Variants in BRINP3 observed in about 807,000 individuals in gnomAD.
BRINP3 encodes the protein BMP/retinoic acid inducible neural specific 3, also known as BMP/retinoic acid-inducible neural-specific protein 3.
In BRINP3, 19 loss-of-function variants were observed where a neutral mutation model predicts 71.0. The ratio of observed to expected loss-of-function variants is 0.27; its 90% CI spans 0.19 to 0.39. The LOEUF is 0.39. BRINP3 is among the 10% of genes least tolerant of loss of function. The pLI is 1.00. For synonymous variants in BRINP3, 380 were observed against 337.7 expected (o/e 1.13, Z -1.37); for missense variants, 959 against 940.8 (o/e 1.02, Z -0.25).
intron 2 of BRINP3, among the ~76,000 whole-genome samples, chr1:190,388,203 A>G (rs1190768864): frequency 6.6e-6 from 1 of 151,804 alleles, no homozygotes; most frequent in African/African-American, 2.4e-5. Flanking sequence ...CATTTATGAA[A>G]TTATAATATT....
chr1:190,251,998 G>A (rs977028233), intron 4 of BRINP3, among the ~76,000 whole-genome samples: 2 of 151,986 alleles, frequency 1.3e-5, no homozygotes, highest in African/African-American at 4.8e-5. Flanking sequence ...CAATAGATGA[G>A]AGAACACAAG....
chr1:190,214,300 G>A (rs1218100784), intron 6 of BRINP3, among the ~76,000 whole-genome samples: 2 of 152,020 alleles, frequency 1.3e-5, no homozygotes, highest in African/African-American at 4.8e-5. Flanking sequence ...TTTGGTTCAT[G>A]ACTTGATATC....
At chr1:190,249,389 C>A (rs1274502901) in intron 4 of BRINP3, among the ~76,000 whole-genome samples, 1 of 151,652 alleles carries the variant, frequency 6.6e-6, no homozygotes, top group Non-Finnish European at 1.5e-5. Context: ...TACAGGATCA[C>A]TTACTATGTA....
At chr1:190,372,050 G>A (rs1030201427) in intron 2 of BRINP3, among the ~76,000 whole-genome samples, 1 of 152,150 alleles carries the variant, frequency 6.6e-6, no homozygotes, top group Non-Finnish European at 1.5e-5. Context: ...GCATTTTAGA[G>A]TAGTCTTTAG....
intron 6 of BRINP3, among the ~76,000 whole-genome samples, chr1:190,189,507 T>C (rs995949752): frequency 2.0e-5 from 3 of 152,120 alleles, no homozygotes; most frequent in African/African-American, 7.2e-5. Flanking sequence ...TGATTAAATT[T>C]ACAATTTTTT....
intron 3 of BRINP3, among the ~76,000 whole-genome samples, chr1:190,280,818 G>C (rs991753170): frequency 6.6e-5 from 10 of 151,776 alleles, no homozygotes; most frequent in Non-Finnish European, 1.5e-5. Flanking sequence ...ATGATTTGAA[G>C]TCAAACACAA....
chr1:190,330,072 A>G (rs988923864), intron 2 of BRINP3, among the ~76,000 whole-genome samples: 7 of 152,008 alleles, frequency 4.6e-5, no homozygotes, highest in Non-Finnish European at 7.4e-5. Flanking sequence ...GTCATTTTCC[A>G]TGTTACAGAA....
intron 1 of BRINP3, among the ~76,000 whole-genome samples, chr1:190,467,506 T>C (rs975653298): frequency 1.5e-4 from 22 of 151,672 alleles, no homozygotes; most frequent in African/African-American, 4.8e-4. Context: ...TGTTTCTAAT[T>C]AAAGAATGCC....
At chr1:190,255,164 A>C (rs1660541562) in intron 4 of BRINP3, among the ~76,000 whole-genome samples, 1 of 151,080 alleles carries the variant, frequency 6.6e-6, no homozygotes, top group Admixed American at 6.6e-5. Context: ...GTGCTGCTGG[A>C]TTCGGTTTGC....
intron 2 of BRINP3, among the ~76,000 whole-genome samples, chr1:190,388,855 T>C (rs1671072760): frequency 6.6e-6 from 1 of 151,826 alleles, no homozygotes; most frequent in Non-Finnish European, 1.5e-5. Context: ...ATCAAAATCA[T>C]GCAACACTTA....
Position 190,194,827 on chromosome 1 carries a change from G to C in BRINP3, c.961+31255C>G, listed in dbSNP as rs143489838. On this transcript the variant is annotated intron_variant, in intron 6 of 7. Transcript: ENST00000367462. ...GAAAGCAGCTGCTCATCTAGAAGTAGTAGTAGCTAACGTCTGAAGGCCATG... is the reference window on the plus strand; with the variant it reads ...GAAAGCAGCTGCTCATCTAGAAGTACTAGTAGCTAACGTCTGAAGGCCATG... Among the ~76,000 whole-genome samples the C allele has an allele frequency of 1.9e-3, 283 of 152,156 alleles. 1 individual carries two copies. The highest frequency in any genetic ancestry group is 3.1e-3 in the Non-Finnish European group (213 of 67,980).
At chr1:190,369,663 T>G (rs1206301002) in intron 2 of BRINP3, among the ~76,000 whole-genome samples, 1 of 147,798 alleles carries the variant, frequency 6.8e-6, no homozygotes, top group Admixed American at 6.8e-5. Context: ...TAAAAAAAAG[T>G]ATGTTCTTGT....
chr1:190,148,410 G>A (rs1260152923), intron 7 of BRINP3, among the ~76,000 whole-genome samples: 1 of 151,602 alleles, frequency 6.6e-6, no homozygotes, highest in Non-Finnish European at 1.5e-5. Context: ...TGACTAACAC[G>A]GAGAAACCCC....
chr1:190,222,633 C>G (rs944712914), intron 6 of BRINP3, among the ~76,000 whole-genome samples: 6 of 150,678 alleles, frequency 4.0e-5, no homozygotes, highest in Non-Finnish European at 8.9e-5. Context: ...ATTAACAAAC[C>G]CTTAGCCAGA....
chr1:190,205,988 AACAAGAG>A (rs1571358687), intron 6 of BRINP3, among the ~76,000 whole-genome samples: 1 of 152,026 alleles, frequency 6.6e-6, no homozygotes, highest in East Asian at 1.9e-4. Context: ...CCTCGTGCAG[AACAAGAG>A]ACTGGGGAAT....
chr1:190,337,716 T>C (rs1364140572), intron 2 of BRINP3, among the ~76,000 whole-genome samples: 3 of 152,100 alleles, frequency 2.0e-5, no homozygotes, highest in Admixed American at 2.0e-4. Context: ...AGATGGCCTA[T>C]GATGGGATTT....
intron 2 of BRINP3, among the ~76,000 whole-genome samples, chr1:190,330,990 G>T (rs956098745): frequency 2.0e-5 from 3 of 151,824 alleles, no homozygotes; most frequent in African/African-American, 4.8e-5. Flanking sequence ...GGGAAGGAGT[G>T]GGGGAGGATT....
intron 6 of BRINP3, among the ~76,000 whole-genome samples, chr1:190,175,342 T>A (rs1271055547): frequency 1.3e-5 from 2 of 152,178 alleles, no homozygotes; most frequent in African/African-American, 4.8e-5. Flanking sequence ...AATAGCGATT[T>A]ACCAAAAATA....
intron 2 of BRINP3, among the ~76,000 whole-genome samples, chr1:190,363,182 A>G (rs2102136714): frequency 6.6e-6 from 1 of 152,258 alleles, no homozygotes; most frequent in Admixed American, 6.5e-5. Flanking sequence ...AGGAGCTAAG[A>G]GCAGACCCTG....
Sources: gnomAD v4.1 joint callset for allele counts (sites outside exome capture counted in the v4.1 genomes callset) on GRCh38, gnomAD v4.1.1 for gene constraint, MANE v1.5 for transcripts, NCBI Gene and HGNC (gene_info 2026-07-23, HGNC 2026-07-21) for gene names.